Variants in PDZRN4 observed in about 807,000 individuals in gnomAD.
The protein encoded by PDZRN4 is PDZ domain containing ring finger 4, also known as PDZ domain-containing RING finger protein 4.
A neutral mutation model predicts 99.0 loss-of-function variants in PDZRN4; 70 were observed. The ratio of observed to expected loss-of-function variants is 0.71; its 90% CI spans 0.58 to 0.86. PDZRN4 has a LOEUF of 0.86. Ranked by LOEUF, PDZRN4 falls within the 40% of genes least tolerant of loss-of-function variation. The pLI is 0.00. For synonymous variants in PDZRN4, 551 were observed against 501.6 expected (o/e 1.10, Z -1.32); for missense variants, 1,474 against 1,331.2 (o/e 1.11, Z -1.67).
intron 5 of PDZRN4, 80 bp from the exon 6 acceptor site, chr12:41,552,576 A>C: frequency 9.1e-7 from 1 of 1,104,188 alleles, no homozygotes; most frequent in Admixed American, 1.8e-5. Context: ...AGAGTAACCC[A>C]AAGAATATCA....
At chr12:41,211,013 T>C (rs1566363018) in intron 3 of PDZRN4, among the ~76,000 whole-genome samples, 1 of 151,934 alleles carries the variant, frequency 6.6e-6, no homozygotes, top group Admixed American at 6.6e-5. Context: ...GTCAGTTGTA[T>C]AGATAATTTA....
intron 3 of PDZRN4, among the ~76,000 whole-genome samples, chr12:41,503,054 A>T (rs1372424098): frequency 6.6e-6 from 1 of 152,100 alleles, no homozygotes; most frequent in Non-Finnish European, 1.5e-5. Context: ...TTTTCTTGGG[A>T]AAGGCATAAT....
At chr12:41,398,413 CA>C (rs1488723136) in intron 3 of PDZRN4, among the ~76,000 whole-genome samples, 3 of 151,726 alleles carry the variant, frequency 2.0e-5, no homozygotes, top group Non-Finnish European at 4.4e-5. Flanking sequence ...AAAAGTAGTT[CA>C]AGTTAGAAAA....
At chr12:41,554,805 A>ATGTGCGTGTGTGTGTATGTG (rs1939116664) in intron 6 of PDZRN4, among the ~76,000 whole-genome samples, 1 of 151,724 alleles carries the variant, frequency 6.6e-6, no homozygotes, top group South Asian at 2.1e-4. Flanking sequence ...CATGGATCAG[A>ATGTGCGTGTGTGTGTATGTG]TGTGCGTGTG....
intron 3 of PDZRN4, among the ~76,000 whole-genome samples, chr12:41,336,374 C>G (rs1252662482): frequency 1.3e-5 from 2 of 152,124 alleles, no homozygotes; most frequent in Non-Finnish European, 2.9e-5. Context: ...AGATACTCAT[C>G]TCTGGTCCAA....
intron 3 of PDZRN4, among the ~76,000 whole-genome samples, chr12:41,494,385 T>C (rs944072654): frequency 6.6e-6 from 1 of 152,146 alleles, no homozygotes; most frequent in African/African-American, 2.4e-5. Context: ...TATAATAATT[T>C]CTGCACCTCT....
chr12:41,326,738 G>T (rs1383005140), intron 3 of PDZRN4, among the ~76,000 whole-genome samples: 3 of 152,144 alleles, frequency 2.0e-5, no homozygotes, highest in Admixed American at 2.0e-4. Flanking sequence ...AGATGCACAT[G>T]ATAAGGTAAA....
intron 5 of PDZRN4, among the ~76,000 whole-genome samples, chr12:41,535,086 C>T (rs1938726983): frequency 1.3e-5 from 2 of 152,126 alleles, no homozygotes; most frequent in Admixed American, 1.3e-4. Flanking sequence ...ATAAATTCTT[C>T]TTTCTTCATG....
At chr12:41,260,324 G>A (rs564876526) in intron 3 of PDZRN4, among the ~76,000 whole-genome samples, 2 of 152,128 alleles carry the variant, frequency 1.3e-5, no homozygotes, top group African/African-American at 2.4e-5. Context: ...GATGTGTGGA[G>A]TGGGGAGTGT....
intron 3 of PDZRN4, among the ~76,000 whole-genome samples, chr12:41,257,450 G>A (rs746957476): frequency 2.0e-5 from 3 of 152,130 alleles, no homozygotes; most frequent in Non-Finnish European, 4.4e-5. Context: ...TTAGTGATTA[G>A]GATTCAACAC....
intron 3 of PDZRN4, among the ~76,000 whole-genome samples, chr12:41,245,984 A>G (rs1361099703): frequency 1.3e-5 from 2 of 152,242 alleles, no homozygotes; most frequent in African/African-American, 4.8e-5. Context: ...GTGGAGGCAT[A>G]TGGAATTATT....
At chr12:41,489,828 C>A (rs957326736) in intron 3 of PDZRN4, among the ~76,000 whole-genome samples, 1 of 152,100 alleles carries the variant, frequency 6.6e-6, no homozygotes, top group Non-Finnish European at 1.5e-5. Context: ...TAGTTCTGGG[C>A]TCTGGTTTCT....
chr12:41,251,076 A>G (rs1278210797), intron 3 of PDZRN4, among the ~76,000 whole-genome samples: 1 of 152,136 alleles, frequency 6.6e-6, no homozygotes, highest in African/African-American at 2.4e-5. Flanking sequence ...CTGCTTCAAG[A>G]TCTCGATCCC....
At chr12:41,247,844 A>AT (rs1436234597) in intron 3 of PDZRN4, among the ~76,000 whole-genome samples, 4 of 152,236 alleles carry the variant, frequency 2.6e-5, no homozygotes, top group African/African-American at 9.6e-5. Context: ...TAAAAGATCT[A>AT]TGCTCAAACT....
At chr12:41,206,482 C>A (rs1029741453) in intron 3 of PDZRN4, among the ~76,000 whole-genome samples, 1 of 147,304 alleles carries the variant, frequency 6.8e-6, no homozygotes, top group Admixed American at 6.7e-5. Flanking sequence ...TGTTTTATCA[C>A]GTACCATATT....
intron 9 of PDZRN4, among the ~76,000 whole-genome samples, chr12:41,570,799 G>C (rs868824919): frequency 2.0e-5 from 3 of 151,946 alleles, no homozygotes; most frequent in African/African-American, 7.2e-5. Flanking sequence ...CCCATTGTTC[G>C]TTACAGTTAC....
At chr12:41,548,996 G>A (rs569066139) in intron 5 of PDZRN4, among the ~76,000 whole-genome samples, 2 of 152,116 alleles carry the variant, frequency 1.3e-5, no homozygotes, top group South Asian at 2.1e-4. Flanking sequence ...CTTTAGACGC[G>A]TCCCCAGAAT....
chr12:41,267,674 C>A (rs144650203), intron 3 of PDZRN4, among the ~76,000 whole-genome samples: 25 of 139,104 alleles, frequency 1.8e-4, no homozygotes, highest in South Asian at 2.3e-4. Flanking sequence ...ACTAAAAATA[C>A]AAAAAAAAAA....
chr12:41,292,228 C>T (rs975472336), intron 3 of PDZRN4, among the ~76,000 whole-genome samples: 1 of 152,142 alleles, frequency 6.6e-6, no homozygotes, highest in Non-Finnish European at 1.5e-5. Context: ...CAGGTTTAAG[C>T]AAACAGCTAG....
Sources: allele counts gnomAD v4.1 joint callset (sites outside exome capture counted in the v4.1 genomes callset), GRCh38; gene constraint gnomAD v4.1.1; transcripts MANE v1.5; gene names NCBI Gene and HGNC (gene_info 2026-07-23, HGNC 2026-07-21).